Variants in SCHIP1 observed in about 807,000 individuals in gnomAD.
SCHIP1 encodes the protein schwannomin-interacting protein 1.
Under a neutral mutation model 29.7 loss-of-function variants are expected in SCHIP1, and 8 were observed. The observed-to-expected ratio is 0.27, with a 90% CI of 0.16 to 0.49. SCHIP1 has a LOEUF of 0.49. Among genes scored for constraint, SCHIP1 ranks in the 20% least tolerant of loss-of-function variants. SCHIP1 has a pLI of 0.99. For synonymous variants in SCHIP1, 76 were observed against 94.9 expected (o/e 0.80, Z 1.16); for missense variants, 193 against 294.6 (o/e 0.66, Z 2.52).
At chr3:159,448,922 ACACTGT>A in the SCHIP1 span, among the ~76,000 whole-genome samples, 1 of 152,182 alleles carries the variant, frequency 6.6e-6, no homozygotes, top group African/African-American at 2.4e-5. Context: ...TTTTTATATA[ACACTGT>A]CAACTTTCAT....
At chr3:159,427,698 A>C in the SCHIP1 span, among the ~76,000 whole-genome samples, 398 of 152,038 alleles carry the variant, frequency 2.6e-3, 4 homozygotes, top group East Asian at 0.069. Context: ...AAACTACTTT[A>C]AAGTTCATAT....
chr3:159,831,535 A>C, the SCHIP1 span, among the ~76,000 whole-genome samples: 4 of 152,340 alleles, frequency 2.6e-5, no homozygotes, highest in South Asian at 8.3e-4. Context: ...ATTCACAATA[A>C]CTAATCATAA....
intron 1 of SCHIP1, chr3:159,853,544 C>T (rs1712934073): frequency 1.8e-6 from 1 of 571,406 alleles, no homozygotes; most frequent in East Asian, 3.1e-5. Context: ...GGCCAAATTC[C>T]ACACTCAGTG....
the SCHIP1 span, among the ~76,000 whole-genome samples, chr3:159,427,227 G>T: frequency 2.0e-5 from 3 of 150,896 alleles, no homozygotes; most frequent in Non-Finnish European, 4.4e-5. Context: ...AGGAAATAAA[G>T]GCTATTCAAT....
At chr3:159,612,220 A>G in the SCHIP1 span, among the ~76,000 whole-genome samples, 1 of 152,158 alleles carries the variant, frequency 6.6e-6, no homozygotes, top group Non-Finnish European at 1.5e-5. Flanking sequence ...ATTTTTTAAG[A>G]TATCAATGAC....
At chr3:159,595,508 G>C in the SCHIP1 span, among the ~76,000 whole-genome samples, 2 of 152,192 alleles carry the variant, frequency 1.3e-5, no homozygotes, top group Admixed American at 6.5e-5. Flanking sequence ...CCTCTGAAGA[G>C]GTCTCTGCCC....
chr3:159,508,773 C>T, the SCHIP1 span, among the ~76,000 whole-genome samples: 7 of 152,068 alleles, frequency 4.6e-5, no homozygotes, highest in Non-Finnish European at 8.8e-5. Context: ...TGTAGTTGAG[C>T]GGTTTTGAGT....
chr3:159,759,180 T>C, the SCHIP1 span, among the ~76,000 whole-genome samples: 9 of 152,252 alleles, frequency 5.9e-5, no homozygotes, highest in Admixed American at 4.6e-4. Flanking sequence ...CATTAAAATA[T>C]AGCTCTGTAA....
intron 3 of SCHIP1, chr3:159,886,684 A>G: frequency 4.7e-6 from 1 of 214,906 alleles, no homozygotes; most frequent in Non-Finnish European, 9.3e-6. Flanking sequence ...TGAGCCCAGG[A>G]GTTCAAGGCT....
chr3:159,724,836 C>A, the SCHIP1 span, among the ~76,000 whole-genome samples: 2 of 152,238 alleles, frequency 1.3e-5, no homozygotes, highest in Non-Finnish European at 2.9e-5. Context: ...TTATGAATCA[C>A]CTTGTGCATG....
the SCHIP1 span, among the ~76,000 whole-genome samples, chr3:159,821,634 A>C: frequency 6.6e-6 from 1 of 152,230 alleles, no homozygotes; most frequent in Admixed American, 6.5e-5. Context: ...TGAAACTAGC[A>C]CAAATTTATT....
chr3:159,421,367 G>C, the SCHIP1 span, among the ~76,000 whole-genome samples: 1 of 152,168 alleles, frequency 6.6e-6, no homozygotes, highest in Non-Finnish European at 1.5e-5. Context: ...CTGTCACTTG[G>C]ATGAGTGCTT....
At chr3:159,494,513 A>G in the SCHIP1 span, among the ~76,000 whole-genome samples, 3 of 152,244 alleles carry the variant, frequency 2.0e-5, no homozygotes, top group African/African-American at 7.2e-5. Flanking sequence ...GAAGAAATGG[A>G]TAAATTCCTC....
chr3:159,526,094 C>T, the SCHIP1 span, among the ~76,000 whole-genome samples: 3 of 152,198 alleles, frequency 2.0e-5, no homozygotes, highest in Non-Finnish European at 2.9e-5. Context: ...ATATATTTGT[C>T]TTTTCTTCTG....
At chr3:159,736,601 C>G in the SCHIP1 span, among the ~76,000 whole-genome samples, 6 of 152,184 alleles carry the variant, frequency 3.9e-5, no homozygotes, top group Admixed American at 2.0e-4. Flanking sequence ...CAAAGCTGCA[C>G]TTGAAACAAT....
the SCHIP1 span, among the ~76,000 whole-genome samples, chr3:159,727,960 G>T: frequency 6.9e-6 from 1 of 145,958 alleles, no homozygotes. Flanking sequence ...TTTGTTTTTT[G>T]GTCACAGCCA....
chr3:159,757,248 C>T, the SCHIP1 span, among the ~76,000 whole-genome samples: 1 of 152,190 alleles, frequency 6.6e-6, no homozygotes, highest in Non-Finnish European at 1.5e-5. Context: ...CTGGGGAGGC[C>T]TCACAATCAT....
At chr3:159,604,316 T>C in the SCHIP1 span, among the ~76,000 whole-genome samples, 31,155 of 152,116 alleles carry the variant, frequency 0.2, 8,694 homozygotes, top group African/African-American at 0.63. Context: ...TTGATGACGA[T>C]TATTGTATCT....
the SCHIP1 span, among the ~76,000 whole-genome samples, chr3:159,446,639 A>G: frequency 6.6e-6 from 1 of 152,232 alleles, no homozygotes; most frequent in Non-Finnish European, 1.5e-5. Flanking sequence ...GTATATAAAC[A>G]GGCACAGGCA....
Sources: allele counts gnomAD v4.1 joint callset (sites outside exome capture counted in the v4.1 genomes callset), GRCh38; gene constraint gnomAD v4.1.1; transcripts MANE v1.5; gene names NCBI Gene and HGNC (gene_info 2026-07-23, HGNC 2026-07-21).